Variants in DPYSL2 observed in about 807,000 individuals in gnomAD.
DPYSL2 encodes dihydropyrimidinase-related protein 2.
A neutral mutation model predicts 69.9 loss-of-function variants in DPYSL2; 13 were observed. The observed-to-expected ratio is 0.19, with a 90% CI of 0.12 to 0.30. The LOEUF is 0.30. DPYSL2 is among the 10% of genes least tolerant of loss of function. The probability of loss-of-function intolerance (pLI) is 1.00; values close to 1 mark genes in which losing one functional copy is unlikely to be tolerated. For missense variants in DPYSL2, 587 were observed against 918.9 expected (o/e 0.64, Z 4.67); for synonymous variants, 326 against 359.1 (o/e 0.91, Z 1.04).
chr8:26,541,805 A>C (rs1800688271), intron 1 of DPYSL2, among the ~76,000 whole-genome samples: 1 of 152,252 alleles, frequency 6.6e-6, no homozygotes, highest in Admixed American at 6.5e-5. Context: ...TGTAACAGAT[A>C]CACAAGAGAT....
intron 3 of DPYSL2, among the ~76,000 whole-genome samples, chr8:26,602,301 A>G (rs1323525201): frequency 6.6e-6 from 1 of 152,054 alleles, no homozygotes; most frequent in Non-Finnish European, 1.5e-5. Context: ...AATTTTATAT[A>G]AAAATTCTCC....
At position 26,647,135 on chromosome 8, in the gene DPYSL2, A is replaced by T. The variant is rs1012881095; in HGVS notation, c.1426-495A>T. Among the ~76,000 whole-genome samples the T allele has an allele frequency of 2.0e-5, 3 of 152,236 alleles. No homozygotes were observed. Among genetic ancestry groups the T allele is most frequent in the African/African-American group, 7.2e-5 (3 of 41,466 alleles). ...TTTGTTTTGAAATAATTATAGATTAAGAAGCAGTTGCAAAGATAGTACAGA... is the reference window on the plus strand; with the variant it reads ...TTTGTTTTGAAATAATTATAGATTATGAAGCAGTTGCAAAGATAGTACAGA... On this transcript the variant is annotated intron_variant, in intron 10 of 13. Coordinates refer to ENST00000521913, the MANE Select transcript of DPYSL2 (RefSeq NM_001197293.3). The surrounding 1 kb of genome is among the most constrained non-coding windows in gnomAD (Gnocchi z 5.1).
At chr8:26,546,941 A>AG (rs1274095909) in intron 1 of DPYSL2, among the ~76,000 whole-genome samples, 2 of 149,956 alleles carry the variant, frequency 1.3e-5, no homozygotes, top group Non-Finnish European at 3.0e-5. Context: ...AAAAAAAAAA[A>AG]AAAAAAAAAA....
Position 26,653,213 on chromosome 8 carries a change from G to A in DPYSL2, c.1777-19G>A, listed in dbSNP as rs750067839. 1.9e-6 allele frequency: 3 copies of A among 1,611,524 alleles called. No homozygotes were observed. The highest frequency in any genetic ancestry group is 2.5e-6 in the Non-Finnish European group (3 of 1,178,586). On this transcript the variant is annotated intron_variant, in intron 12 of 13. Coordinates refer to ENST00000521913, the MANE Select transcript of DPYSL2 (RefSeq NM_001197293.3). The surrounding 1 kb of genome is among the most constrained non-coding windows in gnomAD (Gnocchi z 5.7). ...TCTGTGGCTGTGGCCTGAGCTGGGG[G>A]GACTCTTGTGTTTTGCAGCTGGCTG...
intron 1 of DPYSL2, among the ~76,000 whole-genome samples, chr8:26,525,208 A>T (rs1441522681): frequency 6.6e-6 from 1 of 152,092 alleles, no homozygotes; most frequent in African/African-American, 2.4e-5. Flanking sequence ...TTTGAATTTC[A>T]TGAGTTTTTG....
rs1352930010 is a variant in DPYSL2, at chr8:26,598,161, G to GT, written c.628+14182dup. On this transcript the variant is annotated intron_variant, in intron 3 of 13. Transcript: ENST00000521913. The surrounding 1 kb of genome is among the most constrained non-coding windows in gnomAD (Gnocchi z 4.2). ...ATGGGGGAGTAGCCCCTTCACCCCA[G>GT]TTTTGCTCCTGACCGTTGAAGCTTT... Among the ~76,000 whole-genome samples, 1 of 152,136 alleles carries GT rather than the reference G, an allele frequency of 6.6e-6. No homozygotes were observed. Among genetic ancestry groups the GT allele is most frequent in the African/African-American group, 2.4e-5 (1 of 41,436 alleles).
intron 1 of DPYSL2, among the ~76,000 whole-genome samples, chr8:26,532,442 T>A (rs890209599): frequency 6.6e-6 from 1 of 152,204 alleles, no homozygotes; most frequent in Non-Finnish European, 1.5e-5. Context: ...TTTAGGATAT[T>A]CACAAGATGT....
intron 1 of DPYSL2, among the ~76,000 whole-genome samples, chr8:26,538,132 C>A (rs1800625536): frequency 6.6e-6 from 1 of 152,128 alleles, no homozygotes; most frequent in Non-Finnish European, 1.5e-5. Flanking sequence ...TAACTCTGGT[C>A]ACTTGATAAA....
At chr8:26,594,460 A>G (rs1426076310) in intron 3 of DPYSL2, among the ~76,000 whole-genome samples, 4 of 152,134 alleles carry the variant, frequency 2.6e-5, no homozygotes, top group East Asian at 1.9e-4. Context: ...TCTACCATCT[A>G]TCTATTTCCC....
chr8:26,547,920 C>T, intron 1 of DPYSL2: 1 of 270,876 alleles, frequency 3.7e-6, no homozygotes, highest in Non-Finnish European at 7.7e-6. Flanking sequence ...CCCAGACCCT[C>T]TATCCAAGGA....
intron 1 of DPYSL2, among the ~76,000 whole-genome samples, chr8:26,531,074 A>T (rs978545960): frequency 8.6e-5 from 13 of 152,006 alleles, no homozygotes; most frequent in African/African-American, 2.7e-4. Context: ...AAAAAAAAAA[A>T]AAAAGGTGAT....
rs150348146 is a variant in DPYSL2 at position 26,627,904 on chromosome 8, G to T, written c.969G>T (p.Thr323=). The T allele has an allele frequency of 6.2e-7, 1 of 1,613,874 alleles. No individual in the cohort carries two copies. Among genetic ancestry groups the T allele is most frequent in the Non-Finnish European group, 8.5e-7 (1 of 1,179,998 alleles). The change falls in exon 7 of 14, where the codon ACG becomes ACT. Residue 323 remains threonine (T), a synonymous_variant. Transcript: ENST00000521913. The surrounding 1 kb of genome is among the most constrained non-coding windows in gnomAD (Gnocchi z 6.9). ...AGAGGATCCTGGATCTGGGCATCACGGGCCCCGAGGGACATGTGCTGAGCC... is the reference window on the plus strand; with the variant it reads ...AGAGGATCCTGGATCTGGGCATCACTGGCCCCGAGGGACATGTGCTGAGCC... ...EQQRILDLGI[T]GPEGHVLSRP...
intron 1 of DPYSL2, chr8:26,577,495 C>T (rs1460655126): frequency 6.7e-6 from 1 of 148,916 alleles, no homozygotes; most frequent in East Asian, 2.0e-4. Flanking sequence ...AGTCACCCCA[C>T]GCGGGGCTGC....
rs1803045247 is a variant in DPYSL2 at position 26,641,515 on chromosome 8, T to G, written c.1127-1924T>G. 1.3e-5 allele frequency among the ~76,000 whole-genome samples: 2 copies of G among 152,232 alleles called. No individual in the cohort carries two copies. The highest frequency in any genetic ancestry group is 1.3e-4 in the Admixed American group (2 of 15,286). ...CTGGGTCCTGCCCAGCCATTTGCAT[T>G]TTATAAAGGTCTTTGGCAGCGGCCA... On this transcript the variant is annotated intron_variant, in intron 8 of 13. Transcript: ENST00000521913. This position sits in a 1 kb window ranked among gnomAD's most constrained non-coding sequence, Gnocchi z 4.1.
At chr8:26,524,983 A>T (rs1189328029) in intron 1 of DPYSL2, among the ~76,000 whole-genome samples, 1 of 152,014 alleles carries the variant, frequency 6.6e-6, no homozygotes, top group Non-Finnish European at 1.5e-5. Flanking sequence ...GTGATTTGTA[A>T]AAATTACATG....
rs935666588 is a variant in DPYSL2 at position 26,656,150 on chromosome 8, G to A, written c.*444G>A. ...TAAGAAGTTTTCTTTGTGGGGCTGG[G>A]GAGGGGCCGGGGTCAGGGAGAGTCT... On this transcript the variant is annotated 3_prime_UTR_variant, in exon 14 of 14. Transcript: ENST00000521913. 6.6e-6 allele frequency: 1 copy of A among 152,610 alleles called. No homozygotes were observed. The highest frequency in any genetic ancestry group is 3.1e-3 in the Middle Eastern group (1 of 322). 9.5% of individuals were successfully genotyped at this position (152,610 alleles called of 1,614,324 possible). A position where few individuals can be genotyped will look rare whatever the true frequency, so the allele number is the denominator to read the frequency against.
Position 26,655,726 on chromosome 8 carries a change from C to G in DPYSL2, c.*20C>G, listed in dbSNP as rs760038630. 1.5e-5 allele frequency: 23 copies of G among 1,577,056 alleles called. No homozygotes were observed. The East Asian group carries it at 4.7e-4, about 32-fold the overall frequency. Reference sequence around the variant, plus strand: ...GGCTAGAGCTCCTGGGCTGTGCCGTCCACTGGGGACTGGGGATGGGACACC... The same window carrying G: ...GGCTAGAGCTCCTGGGCTGTGCCGTGCACTGGGGACTGGGGATGGGACACC... On this transcript the variant is annotated 3_prime_UTR_variant, in exon 14 of 14. Coordinates refer to ENST00000521913, the MANE Select transcript of DPYSL2 (RefSeq NM_001197293.3).
At chr8:26,522,426 A>C (rs189405717) in intron 1 of DPYSL2, among the ~76,000 whole-genome samples, 1 of 152,112 alleles carries the variant, frequency 6.6e-6, no homozygotes, top group East Asian at 1.9e-4. Context: ...GAACTTCCAC[A>C]CTCTTTTCTG....
chr8:26,578,654 C>A, intron 1 of DPYSL2: 1 of 1,061,820 alleles, frequency 9.4e-7, no homozygotes. Context: ...GGATATTGTT[C>A]TCTGGGCTGC....
Sources: gnomAD v4.1 joint callset for allele counts (sites outside exome capture counted in the v4.1 genomes callset) on GRCh38, gnomAD v4.1.1 for gene constraint, Gnocchi (gnomAD v3.1) non-coding constraint, MANE v1.5 for transcripts, NCBI Gene and HGNC (gene_info 2026-07-23, HGNC 2026-07-21) for gene names.